Variants in RHOH observed in about 807,000 individuals in gnomAD.
RHOH encodes the protein rho-related GTP-binding protein RhoH.
In RHOH, 6 loss-of-function variants were observed where a neutral mutation model predicts 13.8. That is an observed-to-expected ratio of 0.44 (90% CI 0.24 to 0.86). The LOEUF (loss-of-function observed/expected upper bound fraction) is 0.86, where lower values mean the gene tolerates loss of function less well. RHOH is among the 40% of genes least tolerant of loss of function. RHOH has a pLI of 0.24. For missense variants in RHOH, 147 were observed against 244.5 expected (o/e 0.60, Z 2.66); for synonymous variants, 117 against 103.0 (o/e 1.14, Z -0.82).
At chr4:40,227,411 C>T (rs553963826) in intron 1 of RHOH, among the ~76,000 whole-genome samples, 16 of 150,828 alleles carry the variant, frequency 1.1e-4, no homozygotes, top group Non-Finnish European at 2.2e-4. Context: ...GGAAAGTGTG[C>T]TGACTCAGCT....
chr4:40,198,665 C>T (rs571354270), intron 1 of RHOH, among the ~76,000 whole-genome samples: 3 of 152,160 alleles, frequency 2.0e-5, no homozygotes, highest in East Asian at 1.9e-4. Flanking sequence ...TCGTGTGGCT[C>T]GGGGTACCAG....
chr4:40,211,177 C>G (rs1044351261), intron 1 of RHOH, among the ~76,000 whole-genome samples: 8 of 152,218 alleles, frequency 5.3e-5, no homozygotes, highest in Non-Finnish European at 8.8e-5. Flanking sequence ...TATTAGCACA[C>G]TAGTCCCTCA....
rs542681101 is a variant in RHOH at position 40,205,218 on chromosome 4, C to T, written c.-331+7918C>T. Among the ~76,000 whole-genome samples the T allele has an allele frequency of 1.4e-4, 21 of 152,280 alleles. No individual in the cohort carries two copies. The South Asian group carries it at 3.9e-3, about 29-fold the overall frequency. The stretch of plus-strand genomic sequence containing the variant: ...GACAGAGGTTTCAGTGAGCCAAGAT[C>T]GTGTCACTGCACTGCAGTCTGGGCA... On this transcript the variant is annotated intron_variant, in intron 1 of 2. Transcript: ENST00000381799.
intron 1 of RHOH, among the ~76,000 whole-genome samples, chr4:40,212,256 CT>C (rs1425586834): frequency 3.3e-5 from 5 of 152,168 alleles, no homozygotes; most frequent in African/African-American, 1.2e-4. Context: ...GACACTTGAC[CT>C]TGGGATGGAT....
At chr4:40,214,529 AT>A (rs1257208705) in intron 1 of RHOH, among the ~76,000 whole-genome samples, 1 of 152,258 alleles carries the variant, frequency 6.6e-6, no homozygotes, top group East Asian at 1.9e-4. Context: ...CTTGAAAGTA[AT>A]TTCAGGTAGG....
intron 1 of RHOH, among the ~76,000 whole-genome samples, chr4:40,206,695 A>T (rs1025395689): frequency 6.6e-6 from 1 of 152,028 alleles, no homozygotes; most frequent in Non-Finnish European, 1.5e-5. Context: ...AGCCAGAAAA[A>T]CCCTTACTTA....
chr4:40,203,130 C>T (rs530413028), intron 1 of RHOH, among the ~76,000 whole-genome samples: 1 of 152,218 alleles, frequency 6.6e-6, no homozygotes, highest in East Asian at 1.9e-4. Flanking sequence ...CGCCACCAGG[C>T]CCCGCTAATT....
upstream of RHOH, among the ~76,000 whole-genome samples, chr4:40,191,506 C>T (rs766850782): frequency 1.3e-5 from 2 of 152,212 alleles, no homozygotes; most frequent in East Asian, 1.9e-4. Flanking sequence ...CATCAACTAT[C>T]GAGGGACTGC....
At chr4:40,238,782 G>A (rs907759622) in intron 1 of RHOH, among the ~76,000 whole-genome samples, 1 of 152,192 alleles carries the variant, frequency 6.6e-6, no homozygotes, top group Non-Finnish European at 1.5e-5. Flanking sequence ...TCTTCCGTAC[G>A]AAGAGACATA....
intron 1 of RHOH, among the ~76,000 whole-genome samples, chr4:40,210,595 A>G (rs1725154568): frequency 6.6e-6 from 1 of 152,062 alleles, no homozygotes; most frequent in Admixed American, 6.5e-5. Flanking sequence ...GGAAACAGGA[A>G]ATAGACTTAT....
upstream of RHOH, among the ~76,000 whole-genome samples, chr4:40,195,354 T>TTTCCTTCC (rs376202855): frequency 0.063 from 5,806 of 91,858 alleles, 318 homozygotes; most frequent in South Asian, 0.1. Flanking sequence ...CTTTCTTTCT[T>TTTCCTTCC]TTCCTTCCTT....
chr4:40,203,418 C>T (rs1724263647), intron 1 of RHOH, among the ~76,000 whole-genome samples: 1 of 152,162 alleles, frequency 6.6e-6, no homozygotes. Flanking sequence ...AATCCTCCCA[C>T]CCTATGAAGA....
Position 40,210,089 on chromosome 4 carries a change from CGTGTGTGTGTGT to C in RHOH, c.-331+12812_-331+12823del, listed in dbSNP as rs5857717. Among the ~76,000 whole-genome samples the C allele has an allele frequency of 5.1e-3, 741 of 145,548 alleles. 5 individuals are homozygous for C. The highest frequency in any genetic ancestry group is 0.017 in the African/African-American group (676 of 39,748). ...GTAATATTCCTGATTACATTGTGTG[CGTGTGTGTGTGT>C]GTGTGTGTGTGTGTGTGTGTGTTTC... On this transcript the variant is annotated intron_variant, in intron 1 of 2. Transcript: ENST00000381799.
chr4:40,200,992 A>G (rs898787728), intron 1 of RHOH, among the ~76,000 whole-genome samples: 3 of 152,238 alleles, frequency 2.0e-5, no homozygotes, highest in African/African-American at 7.2e-5. Context: ...AGTTTCTCGT[A>G]AAACTGAAGT....
chr4:40,219,969 G>T (rs1462289662), intron 1 of RHOH, among the ~76,000 whole-genome samples: 1 of 152,232 alleles, frequency 6.6e-6, no homozygotes, highest in Non-Finnish European at 1.5e-5. Context: ...TCAGAAAAAT[G>T]CATGAGAAAC....
chr4:40,216,476 A>C (rs1163596091), intron 1 of RHOH, among the ~76,000 whole-genome samples: 1 of 152,160 alleles, frequency 6.6e-6, no homozygotes, highest in Non-Finnish European at 1.5e-5. Flanking sequence ...CTCAATAAAA[A>C]AAAAGAAACA....
intron 1 of RHOH, among the ~76,000 whole-genome samples, chr4:40,241,441 G>T (rs1386365152): frequency 6.6e-6 from 1 of 152,142 alleles, no homozygotes; most frequent in Non-Finnish European, 1.5e-5. Context: ...AGAAAACCAA[G>T]GTTCAGAGAG....
rs375797712 is a variant in RHOH, at chr4:40,199,514, A to G, written c.-331+2214A>G. Among the ~76,000 whole-genome samples the G allele has an allele frequency of 3.5e-4, 53 of 152,320 alleles. 1 individual carries two copies. The South Asian group carries it at 0.011, about 30-fold the overall frequency. On this transcript the variant is annotated intron_variant, in intron 1 of 2. Coordinates refer to ENST00000381799, the MANE Select transcript of RHOH (RefSeq NM_004310.5). ...AACTTGGAAACCGCTATTTTAAGCC[A>G]TTTGGTAACAGTTTCTCTAGCTTAT...
chr4:40,237,588 C>T (rs1248725080), intron 1 of RHOH, among the ~76,000 whole-genome samples: 1 of 152,236 alleles, frequency 6.6e-6, no homozygotes, highest in Admixed American at 6.5e-5. Context: ...ATTGAAGGTG[C>T]TGGCTAGAGA....
Sources: allele counts gnomAD v4.1 joint callset (sites outside exome capture counted in the v4.1 genomes callset), GRCh38; gene constraint gnomAD v4.1.1; transcripts MANE v1.5; gene names NCBI Gene and HGNC (gene_info 2026-07-23, HGNC 2026-07-21).